The following PRKAG2 variants were observed in gnomAD, a reference collection of about 807,000 sequenced individuals.
The protein encoded by PRKAG2 is protein kinase AMP-activated non-catalytic subunit gamma 2, also known as 5'-AMP-activated protein kinase subunit gamma-2.
A neutral mutation model predicts 69.6 loss-of-function variants in PRKAG2; 26 were observed. The ratio of observed to expected loss-of-function variants is 0.37; its 90% CI spans 0.27 to 0.52. PRKAG2 has a LOEUF of 0.52. PRKAG2 is among the 20% of genes least tolerant of loss of function. PRKAG2 has a pLI of 0.90. For missense variants in PRKAG2, 557 were observed against 740.0 expected, an observed-to-expected ratio of 0.75 and a Z score of 2.87; for synonymous variants, 293 against 285.0, an observed-to-expected ratio of 1.03 and a Z score of -0.28.
chr7:151,727,391 G>A (rs1474425016), intron 3 of PRKAG2, among the ~76,000 whole-genome samples: 1 of 152,100 alleles, frequency 6.6e-6, no homozygotes, highest in African/African-American at 2.4e-5. Flanking sequence ...AGGTGGGGAG[G>A]ACCCCAGGTG....
At chr7:151,739,901 G>A (rs898628722) in intron 3 of PRKAG2, among the ~76,000 whole-genome samples, 1 of 152,158 alleles carries the variant, frequency 6.6e-6, no homozygotes, top group African/African-American at 2.4e-5. Context: ...CTTCCCCCAA[G>A]TGAGCCCTCC....
At chr7:151,581,384 T>C (rs554496153) in intron 6 of PRKAG2, among the ~76,000 whole-genome samples, 2 of 152,374 alleles carry the variant, frequency 1.3e-5, no homozygotes, top group African/African-American at 4.8e-5. Context: ...TATCAAGGAC[T>C]GCCTTTCTCT....
chr7:151,795,869 A>G (rs1212796895), intron 1 of PRKAG2, among the ~76,000 whole-genome samples: 1 of 113,464 alleles, frequency 8.8e-6, no homozygotes, highest in African/African-American at 3.6e-5. Flanking sequence ...ATATATATAT[A>G]TATATATATA....
chr7:151,668,489 G>A (rs1330734753), intron 4 of PRKAG2, among the ~76,000 whole-genome samples: 2 of 152,162 alleles, frequency 1.3e-5, no homozygotes, highest in Non-Finnish European at 2.9e-5. Context: ...CATTTTAATG[G>A]GCTCTGGTGC....
At chr7:151,872,785 G>A (rs576171462) in intron 1 of PRKAG2, among the ~76,000 whole-genome samples, 10 of 152,326 alleles carry the variant, frequency 6.6e-5, no homozygotes, top group Admixed American at 5.9e-4. Context: ...AGGGAGACAC[G>A]AGTAAGAGGC....
At chr7:151,824,943 GT>G (rs1479767943) in intron 1 of PRKAG2, among the ~76,000 whole-genome samples, 1 of 152,204 alleles carries the variant, frequency 6.6e-6, no homozygotes, top group Non-Finnish European at 1.5e-5. Context: ...GCGGGGCACG[GT>G]GGCTCATGCC....
intron 15 of PRKAG2, chr7:151,559,984 G>A (rs1804543370): frequency 1.0e-6 from 1 of 985,266 alleles, no homozygotes. Flanking sequence ...CACTGTCTGA[G>A]ACTCTGAAGG....
chr7:151,565,084 C>T (rs1199027279), intron 13 of PRKAG2, among the ~76,000 whole-genome samples: 2 of 152,106 alleles, frequency 1.3e-5, no homozygotes, highest in Admixed American at 6.5e-5. Flanking sequence ...AATATATACA[C>T]ATGCTGTGGC....
At chr7:151,789,224 G>A (rs1359981966) in intron 1 of PRKAG2, among the ~76,000 whole-genome samples, 1 of 152,296 alleles carries the variant, frequency 6.6e-6, no homozygotes, top group East Asian at 1.9e-4. Context: ...GGATTGCACT[G>A]AATCTATAGA....
At chr7:151,688,124 A>G (rs982427709) in intron 3 of PRKAG2, among the ~76,000 whole-genome samples, 2 of 150,742 alleles carry the variant, frequency 1.3e-5, no homozygotes. Context: ...CACCAATTCA[A>G]TAGGAGACCT....
At chr7:151,790,015 GGAAT>G (rs1418299919) in intron 1 of PRKAG2, among the ~76,000 whole-genome samples, 1 of 152,136 alleles carries the variant, frequency 6.6e-6, no homozygotes, top group Non-Finnish European at 1.5e-5. Context: ...CATCCCACCT[GGAAT>G]GCTGTCTTAA....
rs1157043254 is a variant in PRKAG2 at position 151,614,814 on chromosome 7, G to A, written c.754+17255C>T. ...ATGGCTTTTCTGCAAACTCCTTGCC[G>A]ACCACTGATCACTTGGCACTGGGCT... On this transcript the variant is annotated intron_variant, in intron 5 of 15. Coordinates refer to ENST00000287878, the MANE Select transcript of PRKAG2 (RefSeq NM_016203.4). This position sits in a 1 kb window ranked among gnomAD's most constrained non-coding sequence, Gnocchi z 4.4. Among the ~76,000 whole-genome samples the A allele has an allele frequency of 1.3e-5, 2 of 152,194 alleles. No individual in the cohort carries two copies. Among genetic ancestry groups the A allele is most frequent in the Admixed American group, 6.5e-5 (1 of 15,282 alleles).
intron 3 of PRKAG2, among the ~76,000 whole-genome samples, chr7:151,681,230 CTGT>C (rs1833844404): frequency 6.6e-6 from 1 of 152,050 alleles, no homozygotes; most frequent in South Asian, 2.1e-4. Context: ...AGAAGGTGGA[CTGT>C]TCATTTGGGG....
chr7:151,600,520 T>C (rs1393250823), intron 5 of PRKAG2, among the ~76,000 whole-genome samples: 1 of 152,246 alleles, frequency 6.6e-6, no homozygotes, highest in African/African-American at 2.4e-5. Context: ...TATTACAATT[T>C]ATAATGCAGA....
intron 1 of PRKAG2, among the ~76,000 whole-genome samples, chr7:151,849,160 C>T (rs921319927): frequency 1.3e-5 from 2 of 152,238 alleles, no homozygotes; most frequent in South Asian, 2.1e-4. Flanking sequence ...GAAACGAAGA[C>T]GCAGAGGCAG....
At chr7:151,581,949 CT>C (rs1361428533) in intron 6 of PRKAG2, among the ~76,000 whole-genome samples, 9 of 152,162 alleles carry the variant, frequency 5.9e-5, no homozygotes, top group African/African-American at 2.2e-4. Context: ...AAATAACTGC[CT>C]AACACCAATT....
In PRKAG2 at chr7:151,626,336, T is replaced by C. The variant is rs574373123; in HGVS notation, c.754+5733A>G. Among the ~76,000 whole-genome samples, 5 of 152,278 alleles carry C rather than the reference T, an allele frequency of 3.3e-5. No individual in the cohort carries two copies. In the South Asian group the frequency reaches 1.0e-3, roughly 32 times the overall value. On this transcript the variant is annotated intron_variant, in intron 5 of 15. Coordinates refer to ENST00000287878, the MANE Select transcript of PRKAG2 (RefSeq NM_016203.4). The stretch of plus-strand genomic sequence containing the variant: ...CCAAATGTGAAGTCACGTCCTGACT[T>C]CAGAGATACTGAAATGTGTACCTAG...
intron 3 of PRKAG2, among the ~76,000 whole-genome samples, chr7:151,715,724 G>A (rs747430443): frequency 6.6e-6 from 1 of 152,128 alleles, no homozygotes; most frequent in Admixed American, 6.6e-5. Context: ...TGGAAGAAGA[G>A]AAAGATAGGG....
At chr7:151,568,948 A>G (rs1806900220) in intron 10 of PRKAG2, 106 bp from the exon 11 acceptor site, 21 of 1,312,988 alleles carry the variant, frequency 1.6e-5, no homozygotes, top group Non-Finnish European at 2.3e-5. Context: ...TATTGCAATA[A>G]TAACAGTGTT....
Sources: gnomAD v4.1 joint callset for allele counts (sites outside exome capture counted in the v4.1 genomes callset) on GRCh38, gnomAD v4.1.1 for gene constraint, Gnocchi (gnomAD v3.1) non-coding constraint, MANE v1.5 for transcripts, NCBI Gene and HGNC (gene_info 2026-07-23, HGNC 2026-07-21) for gene names.